SLC27A6: variants seen among roughly 807,000 people sequenced by gnomAD.
SLC27A6 encodes the protein long-chain fatty acid transport protein 6.
In SLC27A6, 74 loss-of-function variants were observed where a neutral mutation model predicts 63.9. The ratio of observed to expected loss-of-function variants is 1.16; its 90% CI spans 0.96 to 1.40. The LOEUF is 1.40. SLC27A6 is among the 40% of genes most tolerant of loss of function. The probability of loss-of-function intolerance (pLI) is 0.00; values close to 1 mark genes in which losing one functional copy is unlikely to be tolerated. For missense variants in SLC27A6, 794 were observed against 732.9 expected, an observed-to-expected ratio of 1.08 and a Z score of -0.96; for synonymous variants, 287 against 260.8, an observed-to-expected ratio of 1.10 and a Z score of -0.97.
At chr5:129,009,164 T>C (rs1186251) in intron 4 of SLC27A6, among the ~76,000 whole-genome samples, 39,091 of 152,080 alleles carry the variant, frequency 0.26, 5,950 homozygotes, top group Middle Eastern at 0.35. Flanking sequence ...CCAGCCTCAA[T>C]TGAATTTTTA....
At chr5:128,988,533 A>G (rs1305695917) in intron 2 of SLC27A6, 67 bp from the exon 3 acceptor site, 1 of 1,207,386 alleles carries the variant, frequency 8.3e-7, no homozygotes, top group Non-Finnish European at 1.2e-6. Context: ...AGTTATATGA[A>G]TATGTATGCA....
chr5:128,983,219 G>GA (rs1039593049), intron 1 of SLC27A6, among the ~76,000 whole-genome samples: 2 of 144,646 alleles, frequency 1.4e-5, no homozygotes, highest in African/African-American at 5.1e-5. Context: ...GAAAAAATTA[G>GA]AAAAAATATA....
At chr5:128,994,027 G>T (rs545390145) in intron 4 of SLC27A6, among the ~76,000 whole-genome samples, 1 of 152,012 alleles carries the variant, frequency 6.6e-6, no homozygotes, top group Non-Finnish European at 1.5e-5. Context: ...AATTAGCCGG[G>T]CGTGGTGGCG....
Position 129,029,691 on chromosome 5 carries a change from G to A in SLC27A6, c.1667G>A (p.Arg556Gln), listed in dbSNP as rs1898548. The A allele has an allele frequency of 7.5e-6, 12 of 1,596,526 alleles. 1 individual carries two copies. The highest frequency in any genetic ancestry group is 2.7e-5 in the African/African-American group (2 of 73,738). ...TTTCTACCAGCTTATGCTTGTCCAC[G>A]ATTTTTAAGAATTCAGGTAATTTTA... is the stretch of plus-strand genomic sequence containing the variant. ...VTFLPAYACP[R>Q]FLRIQEKMEA... Residue 556 changes from arginine (R) to glutamine (Q), a missense_variant, in exon 9 of 10, where the codon CGA (arginine) becomes CAA (glutamine). By Grantham distance (43) the Arg-to-Gln change is conservative. Coordinates refer to ENST00000262462, the MANE Select transcript of SLC27A6 (RefSeq NM_001017372.3).
At chr5:128,987,223 A>G (rs1750820728) in intron 2 of SLC27A6, among the ~76,000 whole-genome samples, 2 of 152,018 alleles carry the variant, frequency 1.3e-5, no homozygotes, top group South Asian at 4.1e-4. Context: ...GACTGTTTTA[A>G]TCTTTGAGAT....
intron 4 of SLC27A6, among the ~76,000 whole-genome samples, chr5:129,009,090 C>G (rs1326873302): frequency 6.6e-6 from 1 of 152,086 alleles, no homozygotes; most frequent in Non-Finnish European, 1.5e-5. Flanking sequence ...TGGTCTCATA[C>G]TCCTGACCTC....
At chr5:128,974,986 A>G (rs1471650153) in intron 1 of SLC27A6, among the ~76,000 whole-genome samples, 2 of 152,204 alleles carry the variant, frequency 1.3e-5, no homozygotes, top group Non-Finnish European at 1.5e-5. Flanking sequence ...TTTTGCAGCT[A>G]CAACCTTATT....
At chr5:128,984,802 C>T (rs1460327838) in intron 1 of SLC27A6, among the ~76,000 whole-genome samples, 2 of 152,198 alleles carry the variant, frequency 1.3e-5, no homozygotes, top group South Asian at 2.1e-4. Context: ...ATGTTTAGTG[C>T]AGTATCCTGA....
intron 4 of SLC27A6, among the ~76,000 whole-genome samples, chr5:129,005,145 GTT>G (rs946883034): frequency 2.0e-5 from 3 of 151,174 alleles, no homozygotes; most frequent in Non-Finnish European, 4.4e-5. Context: ...ATAAACAGCT[GTT>G]TTTTTTTAAA....
At chr5:128,974,122 A>G (rs1035982318) in intron 1 of SLC27A6, among the ~76,000 whole-genome samples, 1 of 152,242 alleles carries the variant, frequency 6.6e-6, no homozygotes, top group Non-Finnish European at 1.5e-5. Flanking sequence ...CTTAAAGTAC[A>G]TAGGACTGGC....
At chr5:129,024,042 C>T (rs1410667025) in intron 6 of SLC27A6, among the ~76,000 whole-genome samples, 1 of 151,954 alleles carries the variant, frequency 6.6e-6, no homozygotes, top group African/African-American at 2.4e-5. Flanking sequence ...GTTGAATCCA[C>T]AGATGTGAAA....
chr5:128,967,834 C>T (rs938076115), intron 1 of SLC27A6, among the ~76,000 whole-genome samples: 4 of 152,084 alleles, frequency 2.6e-5, no homozygotes, highest in Non-Finnish European at 5.9e-5. Flanking sequence ...TGTATGTATA[C>T]ATGTGCCATG....
rs180784495 is a variant in SLC27A6, at chr5:129,028,363, C to T, written c.1473C>T (p.Val491=). The T allele has an allele frequency of 3.6e-5, 58 of 1,608,146 alleles. No homozygotes were observed. In the African/African-American group the frequency reaches 4.1e-4, roughly 12 times the overall value. ...CATTTAGATGGAAAGGAGAAAATGT[C>T]GCAACCACTGAGGTTGCTGATGTTA... ...GDTFRWKGEN[V]ATTEVADVIG... is the part of the protein sequence containing the mutation. Residue 491 remains valine (V), a synonymous_variant, in exon 8 of 10, where the codon GTC becomes GTT. Coordinates refer to ENST00000262462, the MANE Select transcript of SLC27A6 (RefSeq NM_001017372.3).
rs562839534 is a variant in SLC27A6 at position 128,979,953 on chromosome 5, T to C, written c.482-5180T>C. On this transcript the variant is annotated intron_variant, in intron 1 of 9. Transcript: ENST00000262462. Reference sequence around the variant, plus strand: ...GAACTTTGCTATGTTAAGTGAGGAATGAAGCTTCAACTCACCCTGCCTGGT... The same window carrying C: ...GAACTTTGCTATGTTAAGTGAGGAACGAAGCTTCAACTCACCCTGCCTGGT... Among the ~76,000 whole-genome samples, 88 of 152,304 alleles carry C rather than the reference T, an allele frequency of 5.8e-4. 1 individual carries two copies. The highest frequency in any genetic ancestry group is 2.0e-3 in the African/African-American group (84 of 41,556).
intron 4 of SLC27A6, among the ~76,000 whole-genome samples, chr5:129,005,312 A>C (rs1751482893): frequency 6.6e-6 from 1 of 152,244 alleles, no homozygotes; most frequent in Non-Finnish European, 1.5e-5. Context: ...AGAAGGAAAC[A>C]TAAAAGGAAA....
At position 128,990,861 on chromosome 5, in the gene SLC27A6, A is replaced by G. The variant is rs549876439; in HGVS notation, c.969+397A>G. Among the ~76,000 whole-genome samples the G allele has an allele frequency of 3.9e-5, 6 of 152,344 alleles. No individual in the cohort carries two copies. The South Asian group carries it at 1.0e-3, about 26-fold the overall frequency. Reference sequence around the variant, plus strand: ...GCCTCTAGCCCGATTGGGAGCGGCAATGGGCACCTTGCTGGATCAGAAGCA... The same window carrying G: ...GCCTCTAGCCCGATTGGGAGCGGCAGTGGGCACCTTGCTGGATCAGAAGCA... On this transcript the variant is annotated intron_variant, in intron 4 of 9. Coordinates refer to ENST00000262462, the MANE Select transcript of SLC27A6 (RefSeq NM_001017372.3).
At chr5:129,006,163 C>G (rs945372560) in intron 4 of SLC27A6, among the ~76,000 whole-genome samples, 5 of 138,236 alleles carry the variant, frequency 3.6e-5, no homozygotes, top group Admixed American at 1.6e-4. Flanking sequence ...ACTGCAAGCT[C>G]CACCTCCTCC....
chr5:128,994,018 A>C (rs1175721143), intron 4 of SLC27A6, among the ~76,000 whole-genome samples: 2 of 152,038 alleles, frequency 1.3e-5, no homozygotes, highest in Non-Finnish European at 2.9e-5. Flanking sequence ...AAATACAAAA[A>C]TTAGCCGGGC....
chr5:128,982,113 C>G (rs1750614356), intron 1 of SLC27A6, among the ~76,000 whole-genome samples: 1 of 152,110 alleles, frequency 6.6e-6, no homozygotes, highest in African/African-American at 2.4e-5. Context: ...CACGCCTGGC[C>G]AAGATTCATT....
Sources: allele counts gnomAD v4.1 joint callset (sites outside exome capture counted in the v4.1 genomes callset), GRCh38; gene constraint gnomAD v4.1.1; transcripts MANE v1.5; gene names NCBI Gene and HGNC (gene_info 2026-07-23, HGNC 2026-07-21).